NDST4: variants seen among roughly 807,000 people sequenced by gnomAD.
NDST4 encodes the protein N-heparan sulfate sulfotransferase 4.
NDST4 carries 63 observed loss-of-function variants against 100.8 expected under a neutral mutation model. That is an observed-to-expected ratio of 0.62 (90% CI 0.51 to 0.77). The LOEUF is 0.77. Among genes scored for constraint, NDST4 ranks in the 30% least tolerant of loss-of-function variants. NDST4 has a pLI of 0.00. For missense variants in NDST4, 943 were observed against 1,018.4 expected (o/e 0.93, Z 1.01); for synonymous variants, 377 against 361.8 (o/e 1.04, Z -0.48).
At chr4:115,074,863 C>A (rs1729147974) in intron 2 of NDST4, among the ~76,000 whole-genome samples, 1 of 152,094 alleles carries the variant, frequency 6.6e-6, no homozygotes, top group African/African-American at 2.4e-5. Context: ...CTTTATTATT[C>A]TTAGTTGTGT....
At chr4:114,885,688 G>T (rs1223922619) in intron 6 of NDST4, among the ~76,000 whole-genome samples, 1 of 151,846 alleles carries the variant, frequency 6.6e-6, no homozygotes, top group Admixed American at 6.6e-5. Context: ...ACATATGAAT[G>T]GATTTTTTTC....
At chr4:115,081,536 TCTTAAGTCGTTA>T (rs1729302580) in intron 1 of NDST4, among the ~76,000 whole-genome samples, 1 of 152,090 alleles carries the variant, frequency 6.6e-6, no homozygotes. Flanking sequence ...AACATAAGAA[TCTTAAGTCGTTA>T]CCATAAGTCG....
chr4:114,981,115 A>G (rs1429164822), intron 2 of NDST4, among the ~76,000 whole-genome samples: 3 of 152,046 alleles, frequency 2.0e-5, no homozygotes, highest in South Asian at 4.2e-4. Context: ...AACTACTTCC[A>G]GGGTGGGAGC....
At chr4:114,834,513 C>CA (rs869097688) in intron 11 of NDST4, among the ~76,000 whole-genome samples, 1,063 of 62,352 alleles carry the variant, frequency 0.017, 10 homozygotes, top group East Asian at 0.029. Flanking sequence ...GACTCCATCT[C>CA]AAAAAAAAAA....
chr4:114,977,266 T>TA lies in NDST4; in HGVS notation c.986dup (p.Glu330ArgfsTer29). ...GAGTGCGCAGTAAATTTTGAGTCTC[T>TA]AGTAATGCCTGAAATAAATAAGAAA... On this transcript the variant is annotated frameshift_variant, in exon 3 of 14. Transcript: ENST00000264363. LOFTEE classifies it high-confidence loss of function. 1 of 1,594,046 alleles carries TA rather than the reference T, an allele frequency of 6.3e-7. No homozygotes were observed. The highest frequency in any genetic ancestry group is 8.6e-7 in the Non-Finnish European group (1 of 1,168,556).
At chr4:114,920,606 T>C (rs144821667) in intron 6 of NDST4, among the ~76,000 whole-genome samples, 2 of 152,306 alleles carry the variant, frequency 1.3e-5, no homozygotes, top group Non-Finnish European at 2.9e-5. Context: ...TCTTTTACAT[T>C]GTTTAAGGTG....
At chr4:114,872,913 A>AT (rs750223871) in intron 6 of NDST4, among the ~76,000 whole-genome samples, 3 of 151,784 alleles carry the variant, frequency 2.0e-5, no homozygotes, top group South Asian at 2.1e-4. Flanking sequence ...GACATCCGTC[A>AT]TTTTTTTTCC....
At chr4:115,033,914 T>A (rs370837300) in intron 2 of NDST4, among the ~76,000 whole-genome samples, 22 of 152,148 alleles carry the variant, frequency 1.4e-4, no homozygotes, top group East Asian at 5.8e-4. Flanking sequence ...TTAAACAACT[T>A]AAAGACTCAA....
chr4:114,865,061 A>ATTTTTTTTTC (rs1723997019), intron 7 of NDST4, among the ~76,000 whole-genome samples: 1 of 145,052 alleles, frequency 6.9e-6, no homozygotes, highest in Non-Finnish European at 1.5e-5. Context: ...TAGCGCTATC[A>ATTTTTTTTTC]TTTTTTTTTC....
intron 3 of NDST4, among the ~76,000 whole-genome samples, chr4:114,974,882 A>G (rs1346560031): frequency 6.6e-6 from 1 of 152,146 alleles, no homozygotes; most frequent in Non-Finnish European, 1.5e-5. Flanking sequence ...GGCCTATGTG[A>G]TTAAATGTCT....
At chr4:115,064,320 G>C (rs1189686119) in intron 2 of NDST4, among the ~76,000 whole-genome samples, 1 of 151,890 alleles carries the variant, frequency 6.6e-6, no homozygotes, top group Non-Finnish European at 1.5e-5. Context: ...AAATAAAATT[G>C]TTTCAATCGA....
intron 4 of NDST4, among the ~76,000 whole-genome samples, chr4:114,946,160 AT>A (rs1411967330): frequency 6.6e-6 from 1 of 152,166 alleles, no homozygotes; most frequent in East Asian, 1.9e-4. Context: ...AAAATGTGCC[AT>A]TTCTGTTGAT....
At chr4:115,003,267 T>C (rs4472155) in intron 2 of NDST4, among the ~76,000 whole-genome samples, 68,047 of 151,998 alleles carry the variant, frequency 0.45, 16,779 homozygotes, top group Non-Finnish European at 0.58. Flanking sequence ...AAAAGAATTC[T>C]AGATGTTTAA....
intron 7 of NDST4, among the ~76,000 whole-genome samples, chr4:114,860,091 G>A (rs1316636478): frequency 6.6e-6 from 1 of 151,970 alleles, no homozygotes; most frequent in Non-Finnish European, 1.5e-5. Flanking sequence ...AATTTACCTT[G>A]GAAAAAATTA....
chr4:115,026,442 CA>C (rs1727986779), intron 2 of NDST4, among the ~76,000 whole-genome samples: 1 of 151,600 alleles, frequency 6.6e-6, no homozygotes, highest in African/African-American at 2.4e-5. Context: ...CACACACACA[CA>C]CACACACACA....
intron 2 of NDST4, among the ~76,000 whole-genome samples, chr4:115,003,019 G>A (rs1578444676): frequency 6.6e-6 from 1 of 152,222 alleles, no homozygotes; most frequent in Non-Finnish European, 1.5e-5. Flanking sequence ...ATAAGTTACA[G>A]TTGAACAATG....
At chr4:114,981,649 G>C (rs538468603) in intron 2 of NDST4, among the ~76,000 whole-genome samples, 3 of 152,240 alleles carry the variant, frequency 2.0e-5, no homozygotes, top group African/African-American at 7.2e-5. Context: ...TCAACCTGGA[G>C]ATCATCACCA....
intron 6 of NDST4, among the ~76,000 whole-genome samples, chr4:114,900,312 G>A (rs949500788): frequency 4.6e-5 from 7 of 151,374 alleles, no homozygotes; most frequent in East Asian, 3.9e-4. Context: ...ACTGATTTTC[G>A]GTTTACAATT....
At chr4:114,869,388 G>T (rs1214282083) in intron 7 of NDST4, among the ~76,000 whole-genome samples, 1 of 151,840 alleles carries the variant, frequency 6.6e-6, no homozygotes, top group African/African-American at 2.4e-5. Flanking sequence ...AAATATTATA[G>T]ATATATTTTA....
Sources: allele counts gnomAD v4.1 joint callset (sites outside exome capture counted in the v4.1 genomes callset), GRCh38; gene constraint gnomAD v4.1.1; transcripts MANE v1.5; gene names NCBI Gene and HGNC (gene_info 2026-07-23, HGNC 2026-07-21).